SKAP1: variants seen among roughly 807,000 people sequenced by gnomAD.
The protein encoded by SKAP1 is src kinase-associated phosphoprotein 1.
A neutral mutation model predicts 58.5 loss-of-function variants in SKAP1; 44 were observed. That is an observed-to-expected ratio of 0.75 (90% CI 0.59 to 0.97). The LOEUF is 0.97. Among genes scored for constraint, SKAP1 ranks in the 50% least tolerant of loss-of-function variants. The pLI, the probability that SKAP1 is intolerant of heterozygous loss-of-function variation, is 0.00. For missense variants in SKAP1, 390 were observed against 435.2 expected, an observed-to-expected ratio of 0.90 and a Z score of 0.92; for synonymous variants, 127 against 149.7, an observed-to-expected ratio of 0.85 and a Z score of 1.11.
chr17:48,250,714 A>T lies in SKAP1; in HGVS notation c.281-61214T>A, dbSNP rs376615304. On this transcript the variant is annotated intron_variant, in intron 4 of 12. Coordinates refer to ENST00000336915, the MANE Select transcript of SKAP1 (RefSeq NM_003726.4). Reference sequence around the variant, plus strand: ...TAAAGTAATAATTCTTTATTTTTATAATCATCTCTGTTATATAACTCCATC... The same window carrying T: ...TAAAGTAATAATTCTTTATTTTTATTATCATCTCTGTTATATAACTCCATC... Among the ~76,000 whole-genome samples, 11 of 152,274 alleles carry T rather than the reference A, an allele frequency of 7.2e-5. No homozygotes were observed. The South Asian group carries it at 1.2e-3, about 17-fold the overall frequency.
chr17:48,252,713 AGTGTGTGTGT>A (rs71141977), intron 4 of SKAP1, among the ~76,000 whole-genome samples: 149 of 145,086 alleles, frequency 1.0e-3, no homozygotes, highest in Middle Eastern at 3.6e-3. Context: ...GCTCTAAGCT[AGTGTGTGTGT>A]GTGTGTGTGT....
chr17:48,386,625 C>A (rs201678218), intron 2 of SKAP1, among the ~76,000 whole-genome samples: 1 of 152,268 alleles, frequency 6.6e-6, no homozygotes, highest in East Asian at 1.9e-4. Flanking sequence ...ATTGTCTGAT[C>A]TTTTCTTGTC....
intron 4 of SKAP1, among the ~76,000 whole-genome samples, chr17:48,205,813 A>G (rs2064803221): frequency 6.6e-6 from 1 of 152,178 alleles, no homozygotes; most frequent in South Asian, 2.1e-4. Flanking sequence ...CCAAACTAAC[A>G]GTTAAGTGTA....
intron 10 of SKAP1, among the ~76,000 whole-genome samples, chr17:48,168,849 G>T (rs1017593251): frequency 2.0e-5 from 3 of 152,078 alleles, no homozygotes; most frequent in African/African-American, 7.2e-5. Context: ...GATGACATTT[G>T]GATTTATGTA....
chr17:48,322,337 G>T (rs2066377857), intron 4 of SKAP1, among the ~76,000 whole-genome samples: 1 of 152,142 alleles, frequency 6.6e-6, no homozygotes, highest in Non-Finnish European at 1.5e-5. Flanking sequence ...ATTGTATTCT[G>T]CATATTTGTG....
chr17:48,298,457 G>A (rs986126060), intron 4 of SKAP1, among the ~76,000 whole-genome samples: 3 of 152,140 alleles, frequency 2.0e-5, no homozygotes, highest in Non-Finnish European at 4.4e-5. Context: ...TTTAGAATAA[G>A]TTTCAGATTT....
chr17:48,385,333 AAT>A (rs1388114900), intron 2 of SKAP1, among the ~76,000 whole-genome samples: 2 of 152,120 alleles, frequency 1.3e-5, no homozygotes, highest in Non-Finnish European at 1.5e-5. Context: ...AAAAAAAAAA[AAT>A]AGATGCAAAG....
intron 4 of SKAP1, among the ~76,000 whole-genome samples, chr17:48,233,614 G>A (rs2065147916): frequency 6.6e-6 from 1 of 152,122 alleles, no homozygotes; most frequent in Non-Finnish European, 1.5e-5. Context: ...CAGCACTTTG[G>A]GAGGTCGAGG....
intron 12 of SKAP1, among the ~76,000 whole-genome samples, chr17:48,136,098 A>T (rs2144560559): frequency 6.6e-6 from 1 of 152,184 alleles, no homozygotes; most frequent in East Asian, 1.9e-4. Context: ...CCAACTTCTG[A>T]CCAATGGAAT....
At chr17:48,427,525 T>C (rs1209903630) in intron 1 of SKAP1, among the ~76,000 whole-genome samples, 1 of 151,976 alleles carries the variant, frequency 6.6e-6, no homozygotes, top group Non-Finnish European at 1.5e-5. Flanking sequence ...TCTCAAATTT[T>C]ATATTTAAAC....
At chr17:48,424,693 G>A (rs551286969) in intron 1 of SKAP1, among the ~76,000 whole-genome samples, 4 of 151,456 alleles carry the variant, frequency 2.6e-5, no homozygotes, top group Admixed American at 2.6e-4. Flanking sequence ...CCAGCACTTT[G>A]GGAGGCCGAG....
chr17:48,169,973 G>A (rs1264004296), intron 10 of SKAP1, among the ~76,000 whole-genome samples: 1 of 152,180 alleles, frequency 6.6e-6, no homozygotes, highest in Non-Finnish European at 1.5e-5. Context: ...ATAGGTCCTT[G>A]GTCCACTTAA....
At chr17:48,354,007 G>A (rs2066842315) in intron 3 of SKAP1, among the ~76,000 whole-genome samples, 1 of 151,910 alleles carries the variant, frequency 6.6e-6, no homozygotes, top group African/African-American at 2.4e-5. Context: ...ACAGGCTACA[G>A]GTAGATATAA....
intron 4 of SKAP1, among the ~76,000 whole-genome samples, chr17:48,256,564 G>C (rs2065425975): frequency 6.6e-6 from 1 of 152,096 alleles, no homozygotes; most frequent in South Asian, 2.1e-4. Context: ...CCTAGTCCTA[G>C]TTTTCAGGAT....
chr17:48,168,810 C>T (rs547548885), intron 10 of SKAP1, among the ~76,000 whole-genome samples: 1 of 152,310 alleles, frequency 6.6e-6, no homozygotes, highest in South Asian at 2.1e-4. Context: ...TCCCCCAGAC[C>T]TCTATCTTTT....
chr17:48,186,049 G>C (rs1228893668), intron 6 of SKAP1: 1 of 151,884 alleles, frequency 6.6e-6, no homozygotes, highest in Non-Finnish European at 1.5e-5. Flanking sequence ...ATGAACAGAT[G>C]TGACACACCT....
At chr17:48,412,990 T>C (rs1419398442) in intron 1 of SKAP1, among the ~76,000 whole-genome samples, 1 of 151,592 alleles carries the variant, frequency 6.6e-6, no homozygotes, top group East Asian at 1.9e-4. Flanking sequence ...ATCTGTCTCA[T>C]CCAGCTTTTT....
chr17:48,299,462 G>C (rs979235612), intron 4 of SKAP1, among the ~76,000 whole-genome samples: 1 of 152,170 alleles, frequency 6.6e-6, no homozygotes, highest in Non-Finnish European at 1.5e-5. Flanking sequence ...AGGGGGAAGA[G>C]GGGGAGGCTG....
At chr17:48,439,294 C>A in the SKAP1 span, among the ~76,000 whole-genome samples, 1 of 152,216 alleles carries the variant, frequency 6.6e-6, no homozygotes, top group African/African-American at 2.4e-5. Context: ...CAATCAAAGC[C>A]TGTTGCATCA....
Sources: allele counts gnomAD v4.1 joint callset (sites outside exome capture counted in the v4.1 genomes callset), GRCh38; gene constraint gnomAD v4.1.1; transcripts MANE v1.5; gene names NCBI Gene and HGNC (gene_info 2026-07-23, HGNC 2026-07-21).